Variants in HOGA1 observed in about 807,000 individuals in gnomAD.
The protein encoded by HOGA1 is 4-hydroxy-2-oxoglutarate aldolase 1.
HOGA1 carries 30 observed loss-of-function variants against 34.3 expected under a neutral mutation model. The observed-to-expected ratio is 0.87, with a 90% CI of 0.65 to 1.19. The LOEUF is 1.19. HOGA1 is among the 50% of genes most tolerant of loss of function. The pLI, the probability that HOGA1 is intolerant of heterozygous loss-of-function variation, is 0.00. For missense variants in HOGA1, 417 were observed against 436.5 expected (o/e 0.96, Z 0.40); for synonymous variants, 161 against 174.0 (o/e 0.93, Z 0.59).
rs1564760556 is a variant in HOGA1 at position 97,603,428 on chromosome 10, A to G, written c.834+1438A>G. Among the ~76,000 whole-genome samples, 1 of 151,632 alleles carries G rather than the reference A, an allele frequency of 6.6e-6. No individual in the cohort carries two copies. The highest frequency in any genetic ancestry group is 1.5e-5 in the Non-Finnish European group (1 of 67,924). ...TTTTTGTAGAGATGGGGGTCTCACT[A>G]TGTTGCCTAGGCTGGTCTTTATCTC... On this transcript the variant is annotated intron_variant, in intron 6 of 6. Transcript: ENST00000370646. This position sits in a 1 kb window ranked among gnomAD's most constrained non-coding sequence, Gnocchi z 4.5.
At chr10:97,584,969 A>G in intron 1 of HOGA1, 55 bp downstream of exon 1, 1 of 1,473,586 alleles carries the variant, frequency 6.8e-7, no homozygotes, top group Non-Finnish European at 9.5e-7. Flanking sequence ...CCCTTTAGCC[A>G]GAGACCAAGG....
intron 6 of HOGA1, among the ~76,000 whole-genome samples, chr10:97,604,201 G>C (rs1341589461): frequency 6.6e-6 from 1 of 152,112 alleles, no homozygotes; most frequent in African/African-American, 2.4e-5. Flanking sequence ...TTGGGGATTG[G>C]CTTTTTTCCA....
At chr10:97,589,018 TG>T (rs1299835039) in intron 1 of HOGA1, among the ~76,000 whole-genome samples, 2 of 152,104 alleles carry the variant, frequency 1.3e-5, no homozygotes, top group East Asian at 3.9e-4. Context: ...TGCCTATTTA[TG>T]GGGGGGCAAA....
intron 6 of HOGA1, among the ~76,000 whole-genome samples, chr10:97,608,926 G>T (rs897640828): frequency 2.6e-5 from 4 of 152,116 alleles, no homozygotes; most frequent in Non-Finnish European, 5.9e-5. Context: ...GCTGAGCTAG[G>T]CACTCCACAA....
chr10:97,600,039 A>T, intron 4 of HOGA1, 28 bp from the exon 5 acceptor site: 2 of 1,603,826 alleles, frequency 1.2e-6, no homozygotes, highest in Non-Finnish European at 1.7e-6. Context: ...CTCTGGGCAC[A>T]GCTCTCACAC....
chr10:97,611,389 C>CAGTT (rs1010321424), intron 6 of HOGA1, 121 bp from the exon 7 acceptor site: 10 of 1,115,318 alleles, frequency 9.0e-6, no homozygotes, highest in African/African-American at 1.5e-5. Flanking sequence ...ATAGAGTTGG[C>CAGTT]AGTTACTTTC....
chr10:97,599,162 T>C lies in HOGA1; in HGVS notation c.414T>C (p.Pro138=). 6.2e-7 allele frequency: 1 copy of C among 1,613,930 alleles called. No homozygotes were observed. The highest frequency in any genetic ancestry group is 1.1e-5 in the South Asian group (1 of 91,086). ...CTGACGCGGCCATGGTGGTGACCCC[T>C]TGCTACTATCGTGGCCGCATGAGCA... The part of the protein sequence containing the change: ...VGADAAMVVT[P]CYYRGRMSSA... The change falls in exon 3 of 7, where the codon CCT becomes CCC. Residue 138 remains proline, a synonymous_variant. Transcript: ENST00000370646.
chr10:97,599,008 T>G (rs199759218), intron 2 of HOGA1, 81 bp from the exon 3 acceptor site: 1 of 1,577,880 alleles, frequency 6.3e-7, no homozygotes, highest in Non-Finnish European at 8.6e-7. Context: ...TTCTGGGACA[T>G]GCTGAGGCAC....
At chr10:97,600,005 A>G in intron 4 of HOGA1, 62 bp from the exon 5 acceptor site, 1 of 1,543,272 alleles carries the variant, frequency 6.5e-7, no homozygotes, top group South Asian at 1.1e-5. Flanking sequence ...CACCACACTT[A>G]CCCGGCCCTC....
At chr10:97,592,346 T>C (rs2041032748) in intron 1 of HOGA1, among the ~76,000 whole-genome samples, 1 of 150,826 alleles carries the variant, frequency 6.6e-6, no homozygotes, top group Non-Finnish European at 1.5e-5. Context: ...GTTCATGCCA[T>C]TCTCCTGCCT....
intron 6 of HOGA1, 62 bp downstream of exon 6, chr10:97,602,052 A>G (rs1471030368): frequency 1.3e-6 from 2 of 1,566,556 alleles, no homozygotes; most frequent in Non-Finnish European, 1.7e-6. Flanking sequence ...TCCTCATTGG[A>G]GCAGGACCCA....
intron 6 of HOGA1, chr10:97,602,224 G>A (rs2135724192): frequency 1.3e-6 from 2 of 1,514,708 alleles, no homozygotes; most frequent in East Asian, 2.6e-5. Flanking sequence ...TTCCTTGGGG[G>A]CGAATTAAAG....
intron 1 of HOGA1, among the ~76,000 whole-genome samples, chr10:97,593,190 T>C (rs577932542): frequency 1.3e-5 from 2 of 151,882 alleles, no homozygotes; most frequent in South Asian, 4.2e-4. Flanking sequence ...TAAAGTTCAT[T>C]GGGGGCCGAA....
At chr10:97,602,823 C>A (rs370346931) in intron 6 of HOGA1, among the ~76,000 whole-genome samples, 1 of 151,910 alleles carries the variant, frequency 6.6e-6, no homozygotes, top group Admixed American at 6.6e-5. Flanking sequence ...AGAGATTACA[C>A]GTGTGCACCA....
chr10:97,589,019 G>A (rs553288253), intron 1 of HOGA1, among the ~76,000 whole-genome samples: 6 of 151,938 alleles, frequency 3.9e-5, no homozygotes, highest in Non-Finnish European at 8.8e-5. Flanking sequence ...GCCTATTTAT[G>A]GGGGGGCAAA....
chr10:97,603,744 G>C lies in HOGA1; in HGVS notation c.834+1754G>C, dbSNP rs1162498530. 6.6e-6 allele frequency among the ~76,000 whole-genome samples: 1 copy of C among 151,418 alleles called. No individual in the cohort carries two copies. Among genetic ancestry groups the C allele is most frequent in the Non-Finnish European group, 1.5e-5 (1 of 67,818 alleles). ...CACCCGGCTAATTTTTGTGCTTTTA[G>C]TGAAGACGGGTTTCACCATGTTGGC... On this transcript the variant is annotated intron_variant, in intron 6 of 6. Coordinates refer to ENST00000370646, the MANE Select transcript of HOGA1 (RefSeq NM_138413.4). This position sits in a 1 kb window ranked among gnomAD's most constrained non-coding sequence, Gnocchi z 4.5.
chr10:97,609,558 G>T (rs1476157197), intron 6 of HOGA1, among the ~76,000 whole-genome samples: 1 of 152,082 alleles, frequency 6.6e-6, no homozygotes, highest in Non-Finnish European at 1.5e-5. Flanking sequence ...CAGACACCCC[G>T]AGAACAGCTT....
At chr10:97,585,248 A>G (rs1283153496) in intron 1 of HOGA1, among the ~76,000 whole-genome samples, 1 of 152,150 alleles carries the variant, frequency 6.6e-6, no homozygotes, top group Non-Finnish European at 1.5e-5. Context: ...CTTGGTGCAG[A>G]TGTGAAGGCA....
chr10:97,586,170 G>A (rs906954635), intron 1 of HOGA1, among the ~76,000 whole-genome samples: 7 of 151,822 alleles, frequency 4.6e-5, no homozygotes, highest in Non-Finnish European at 2.9e-5. Flanking sequence ...CACATCTCTG[G>A]CACTGACTTA....
Sources: allele counts gnomAD v4.1 joint callset (sites outside exome capture counted in the v4.1 genomes callset), GRCh38; gene constraint gnomAD v4.1.1; non-coding constraint Gnocchi (gnomAD v3.1); transcripts MANE v1.5; gene names NCBI Gene and HGNC (gene_info 2026-07-23, HGNC 2026-07-21).